SLC22A23: variants seen among roughly 807,000 people sequenced by gnomAD.
SLC22A23 encodes ion transporter protein.
In SLC22A23, 26 loss-of-function variants were observed where a neutral mutation model predicts 61.0. The observed-to-expected ratio is 0.43, with a 90% confidence interval of 0.31 to 0.59. The LOEUF (loss-of-function observed/expected upper bound fraction) is 0.59, where lower values mean the gene tolerates loss of function less well. Among genes scored for constraint, SLC22A23 ranks in the 20% least tolerant of loss-of-function variants. The pLI, the probability that SLC22A23 is intolerant of heterozygous loss-of-function variation, is 0.11. For synonymous variants in SLC22A23, 430 were observed against 413.9 expected (o/e 1.04, Z -0.47); for missense variants, 796 against 934.7 (o/e 0.85, Z 1.94).
intron 3 of SLC22A23, among the ~76,000 whole-genome samples, chr6:3,400,167 C>T (rs1014410985): frequency 2.1e-4 from 32 of 152,306 alleles, no homozygotes; most frequent in Admixed American, 5.9e-4. Flanking sequence ...CATGAGCCAC[C>T]GCGCCCCGCC....
chr6:3,413,367 C>T (rs896683034), intron 2 of SLC22A23, among the ~76,000 whole-genome samples: 1 of 152,212 alleles, frequency 6.6e-6, no homozygotes, highest in East Asian at 1.9e-4. Flanking sequence ...TGAGGATCTA[C>T]AGCTGGTGCT....
chr6:3,316,734 C>T (rs532768814), intron 4 of SLC22A23, among the ~76,000 whole-genome samples: 4 of 152,318 alleles, frequency 2.6e-5, no homozygotes, highest in African/African-American at 9.6e-5. Flanking sequence ...AACTCCTGAG[C>T]TCAAGTGATC....
At chr6:3,425,446 G>A (rs963434234) in intron 1 of SLC22A23, among the ~76,000 whole-genome samples, 11 of 151,692 alleles carry the variant, frequency 7.3e-5, no homozygotes, top group Non-Finnish European at 7.4e-5. Flanking sequence ...CACCACGCCC[G>A]GCTAATTTTT....
rs761039686 is a variant in SLC22A23 at position 3,286,979 on chromosome 6, C to T, written c.1426G>A (p.Ala476Thr). The change falls in exon 7 of 10, where the codon GCG becomes ACG. Residue 476 changes from alanine to threonine, a missense_variant. Coordinates refer to ENST00000406686, the MANE Select transcript of SLC22A23 (RefSeq NM_015482.2). This position sits in a 1 kb window ranked among gnomAD's most constrained non-coding sequence, Gnocchi z 4.2. ...CACATGGCCAGGCAGGACACCAGCG[C>T]GATGCTGGCCGTGGTATAGTAGTCA... Reference protein sequence around the residue: ...YADYYTTASIALVSCLAMCVV... With the variant: ...YADYYTTASITLVSCLAMCVV... 4.0e-5 allele frequency: 64 copies of T among 1,614,026 alleles called. No homozygotes were observed. The African/African-American group carries it at 4.8e-4, about 12-fold the overall frequency.
At chr6:3,402,201 C>G (rs7746571) in intron 3 of SLC22A23, among the ~76,000 whole-genome samples, 98,345 of 152,036 alleles carry the variant, frequency 0.65, 32,482 homozygotes, top group South Asian at 0.83. Flanking sequence ...CGCCTCACTA[C>G]CACAGCAGCC....
chr6:3,456,552 A>T lies in SLC22A23; in HGVS notation c.8T>A (p.Ile3Lys). 1.0e-6 allele frequency: 1 copy of T among 983,536 alleles called. No individual in the cohort carries two copies. The highest frequency in any genetic ancestry group is 1.2e-6 in the Non-Finnish European group (1 of 830,612). The allele number at this position is 983,536 out of a possible 1,614,324, so 60.9% of individuals were successfully genotyped here. A position where few individuals can be genotyped will look rare whatever the true frequency, so the allele number is the denominator to read the frequency against. Residue 3 changes from isoleucine (I) to lysine (K), a missense_variant, in exon 1 of 10, where the codon ATA becomes AAA. Coordinates refer to ENST00000406686, the MANE Select transcript of SLC22A23 (RefSeq NM_015482.2). The surrounding 1 kb of genome is among the most constrained non-coding windows in gnomAD (Gnocchi z 7.1). MA[I>K]DRRREAAGGG... Reference sequence around the variant, plus strand: ...GCCCGCCGCCTCGCGCCGCCGGTCTATGGCCATGGCCCGGGCCCGCGGCTC... The same window carrying T: ...GCCCGCCGCCTCGCGCCGCCGGTCTTTGGCCATGGCCCGGGCCCGCGGCTC...
intron 3 of SLC22A23, among the ~76,000 whole-genome samples, chr6:3,349,209 C>G (rs1764621859): frequency 6.6e-6 from 1 of 152,206 alleles, no homozygotes; most frequent in South Asian, 2.1e-4. Context: ...CTGCAGAACC[C>G]TCGAGGAAGC....
chr6:3,294,453 C>T (rs1462189169), intron 5 of SLC22A23, among the ~76,000 whole-genome samples: 1 of 152,174 alleles, frequency 6.6e-6, no homozygotes, highest in Non-Finnish European at 1.5e-5. Context: ...CAGTAAGTAT[C>T]ATACAAATAT....
chr6:3,381,457 C>T (rs1766946867), intron 3 of SLC22A23, among the ~76,000 whole-genome samples: 1 of 152,200 alleles, frequency 6.6e-6, no homozygotes, highest in Admixed American at 6.5e-5. Flanking sequence ...GACTGAGTAG[C>T]CTCAGTGGTG....
intron 3 of SLC22A23, among the ~76,000 whole-genome samples, chr6:3,396,807 G>A (rs568959045): frequency 1.3e-5 from 2 of 152,324 alleles, no homozygotes; most frequent in South Asian, 4.2e-4. Context: ...TCTCCCTTCT[G>A]GCTCCCGCAT....
chr6:3,320,587 T>C (rs920567673), intron 4 of SLC22A23, among the ~76,000 whole-genome samples: 1 of 152,174 alleles, frequency 6.6e-6, no homozygotes, highest in Non-Finnish European at 1.5e-5. Context: ...TGGCTGGTGC[T>C]ACAGCTCACC....
At chr6:3,413,675 CTTAGG>C (rs1456569002) in intron 2 of SLC22A23, among the ~76,000 whole-genome samples, 5 of 152,192 alleles carry the variant, frequency 3.3e-5, no homozygotes, top group African/African-American at 4.8e-5. Flanking sequence ...TGACTGCAGC[CTTAGG>C]AAGCATATTG....
chr6:3,359,356 A>G (rs1159178564), intron 3 of SLC22A23, among the ~76,000 whole-genome samples: 1 of 152,238 alleles, frequency 6.6e-6, no homozygotes, highest in Non-Finnish European at 1.5e-5. Context: ...GGTCACACAT[A>G]TAACTATCCA....
chr6:3,413,706 T>C (rs997805878), intron 2 of SLC22A23, among the ~76,000 whole-genome samples: 3 of 152,226 alleles, frequency 2.0e-5, no homozygotes, highest in African/African-American at 7.2e-5. Context: ...CTTGATCCAC[T>C]TCCCCTGCAG....
Position 3,454,389 on chromosome 6 carries a change from G to A in SLC22A23, c.654+1517C>T, listed in dbSNP as rs1484097324. Reference sequence around the variant, plus strand: ...CTCTATCCCATCTCATCACTTTCAAGTTCACCTCTACTTTGACCCCAGGAC... The same window carrying A: ...CTCTATCCCATCTCATCACTTTCAAATTCACCTCTACTTTGACCCCAGGAC... On this transcript the variant is annotated intron_variant, in intron 1 of 9. Transcript: ENST00000406686. This position sits in a 1 kb window ranked among gnomAD's most constrained non-coding sequence, Gnocchi z 4.3. Among the ~76,000 whole-genome samples, 1 of 152,078 alleles carries A rather than the reference G, an allele frequency of 6.6e-6. No individual in the cohort carries two copies. Among genetic ancestry groups the A allele is most frequent in the Non-Finnish European group, 1.5e-5 (1 of 68,016 alleles).
At position 3,366,303 on chromosome 6, in the gene SLC22A23, A is replaced by G. The variant is rs375879491; in HGVS notation, c.914-42301T>C. On this transcript the variant is annotated intron_variant, in intron 3 of 9. Coordinates refer to ENST00000406686, the MANE Select transcript of SLC22A23 (RefSeq NM_015482.2). Reference sequence around the variant, plus strand: ...AGCCGAGATCACACCACTGCACTCCAGCCTGGGTGACAGAGCAAGACTCTG... The same window carrying G: ...AGCCGAGATCACACCACTGCACTCCGGCCTGGGTGACAGAGCAAGACTCTG... 3.0e-4 allele frequency among the ~76,000 whole-genome samples: 39 copies of G among 130,944 alleles called. No homozygotes were observed. The East Asian group carries it at 7.0e-3, about 23-fold the overall frequency. The allele number at this position is 130,944 out of a possible 152,430, so 85.9% of individuals were successfully genotyped here.
At chr6:3,339,135 G>A (rs1049615448) in intron 3 of SLC22A23, among the ~76,000 whole-genome samples, 2 of 152,222 alleles carry the variant, frequency 1.3e-5, no homozygotes, top group African/African-American at 4.8e-5. Flanking sequence ...TATTGCCATT[G>A]CAGCTGAAAT....
intron 1 of SLC22A23, among the ~76,000 whole-genome samples, chr6:3,426,494 GA>G (rs35926887): frequency 0.31 from 45,795 of 148,120 alleles, 8,024 homozygotes; most frequent in East Asian, 0.48. Flanking sequence ...GAAGGATTAG[GA>G]AAAAAAAAAA....
At chr6:3,432,910 G>A (rs1770962481) in intron 1 of SLC22A23, among the ~76,000 whole-genome samples, 1 of 152,194 alleles carries the variant, frequency 6.6e-6, no homozygotes, top group Non-Finnish European at 1.5e-5. Context: ...GGAACCTTGT[G>A]AAGGGAACGT....
Sources: gnomAD v4.1 joint callset for allele counts (sites outside exome capture counted in the v4.1 genomes callset) on GRCh38, gnomAD v4.1.1 for gene constraint, Gnocchi (gnomAD v3.1) non-coding constraint, MANE v1.5 for transcripts, NCBI Gene and HGNC (gene_info 2026-07-23, HGNC 2026-07-21) for gene names.